Variants in STK32C observed in about 807,000 individuals in gnomAD.
STK32C encodes serine/threonine kinase 32C, also known as serine/threonine-protein kinase 32C.
In STK32C, 31 loss-of-function variants were observed where a neutral mutation model predicts 56.5. That is an observed-to-expected ratio of 0.55 (90% CI 0.41 to 0.74). The LOEUF (loss-of-function observed/expected upper bound fraction) is 0.74. Ranked by LOEUF, STK32C falls within the 30% of genes least tolerant of loss-of-function variation. The pLI, the probability that STK32C is intolerant of heterozygous loss-of-function variation, is 0.00. For missense variants in STK32C, 544 were observed against 676.9 expected (o/e 0.80, Z 2.18); for synonymous variants, 309 against 289.4 (o/e 1.07, Z -0.69).
At chr10:132,248,652 C>T (rs1470549020) in intron 1 of STK32C, among the ~76,000 whole-genome samples, 1 of 152,240 alleles carries the variant, frequency 6.6e-6, no homozygotes, top group African/African-American at 2.4e-5. Context: ...TCCACGCCCA[C>T]GTGCATGCCT....
chr10:132,326,114 C>T lies in STK32C; in HGVS notation c.302-1741G>A, dbSNP rs182188454. ...GACTATCAGTTCATCTCTTCAGGAT[C>T]GGGGAGGCCTGGAAGGGTAAAGATC... On this transcript the variant is annotated intron_variant, in intron 1 of 1. Coordinates refer to the STK32C transcript ENST00000368619. Among the ~76,000 whole-genome samples, 30 of 152,250 alleles carry T rather than the reference C, an allele frequency of 2.0e-4. No individual in the cohort carries two copies. The East Asian group carries it at 5.6e-3, about 28-fold the overall frequency.
chr10:132,259,037 CCGGG>C (rs2064220645), intron 1 of STK32C, among the ~76,000 whole-genome samples: 1 of 126,408 alleles, frequency 7.9e-6, no homozygotes, highest in African/African-American at 3.8e-5. Flanking sequence ...GGCTGCTGCA[CCGGG>C]TACTGGGGGC....
intron 3 of STK32C, among the ~76,000 whole-genome samples, chr10:132,227,617 G>GTGA (rs1565081326): frequency 2.6e-5 from 4 of 151,402 alleles, no homozygotes; most frequent in Admixed American, 2.0e-4. Flanking sequence ...GGCGATGATG[G>GTGA]TGGTGATGGT....
At chr10:132,227,922 C>A in intron 3 of STK32C, 55 bp downstream of exon 3, 2 of 1,590,294 alleles carry the variant, frequency 1.3e-6, no homozygotes, top group Non-Finnish European at 8.5e-7. Context: ...ATAGCCAGTG[C>A]CTTCCCGGCT....
intron 1 of STK32C, among the ~76,000 whole-genome samples, chr10:132,305,099 G>C (rs2066020578): frequency 6.6e-6 from 1 of 152,236 alleles, no homozygotes; most frequent in African/African-American, 2.4e-5. Context: ...GCAGCAGAAA[G>C]ACCCCCTAAC....
chr10:132,252,206 GACCCAGGAAGGAGGGAGACA>G (rs2063935212), intron 1 of STK32C, among the ~76,000 whole-genome samples: 1 of 152,248 alleles, frequency 6.6e-6, no homozygotes, highest in Non-Finnish European at 1.5e-5. Flanking sequence ...GCCCATTCCA[GACCCAGGAAGGAGGGAGACA>G]ACCTCCTGGA....
chr10:132,227,110 C>G, intron 3 of STK32C, 142 bp from the exon 4 acceptor site: 1 of 963,708 alleles, frequency 1.0e-6, no homozygotes, highest in Admixed American at 2.2e-5. Context: ...AGGGGCCTGC[C>G]CAAGGCACTG....
chr10:132,326,994 A>C (rs753743130), intron 1 of STK32C, among the ~76,000 whole-genome samples: 7 of 152,214 alleles, frequency 4.6e-5, no homozygotes, highest in African/African-American at 1.7e-4. Context: ...AAGCAGAGTA[A>C]AACTGTTTTA....
At chr10:132,276,310 C>T (rs771209359) in intron 1 of STK32C, among the ~76,000 whole-genome samples, 15 of 152,196 alleles carry the variant, frequency 9.9e-5, no homozygotes, top group African/African-American at 1.4e-4. Flanking sequence ...GCATCAGGCG[C>T]GTGATCCTAC....
At chr10:132,288,012 A>G (rs2065458902) in intron 1 of STK32C, among the ~76,000 whole-genome samples, 1 of 152,216 alleles carries the variant, frequency 6.6e-6, no homozygotes. Context: ...ATACAGGTCA[A>G]CAGAAAAGAA....
intron 1 of STK32C, among the ~76,000 whole-genome samples, chr10:132,282,473 A>ACCTGCGCCCACCTGTG (rs1207580323): frequency 6.8e-4 from 85 of 125,478 alleles, no homozygotes; most frequent in African/African-American, 1.9e-3. Flanking sequence ...GCCCACCTGT[A>ACCTGCGCCCACCTGTG]CCTGCGCCCA....
At chr10:132,331,491 G>C in exon 1 of STK32C, 1 of 1,612,896 alleles carries the variant, frequency 6.2e-7, no homozygotes, top group Middle Eastern at 1.6e-4. Context: ...CTTCTCCAAA[G>C]AGGACGCTCT....
chr10:132,324,260 A>G, exon 2 of STK32C: 1 of 779,834 alleles, frequency 1.3e-6, no homozygotes, highest in South Asian at 1.3e-5. Flanking sequence ...GATGGGCCAC[A>G]GAACACACCC....
chr10:132,291,606 G>C (rs1821105701), intron 1 of STK32C, among the ~76,000 whole-genome samples: 2 of 152,206 alleles, frequency 1.3e-5, no homozygotes, highest in Non-Finnish European at 2.9e-5. Context: ...GCAAGTCTGA[G>C]TTTAGAATCA....
intron 1 of STK32C, chr10:132,330,286 T>A: frequency 3.3e-6 from 2 of 605,272 alleles, no homozygotes; most frequent in African/African-American, 1.8e-5. Flanking sequence ...GGGAATACGC[T>A]CAAATGGTTA....
intron 2 of STK32C, among the ~76,000 whole-genome samples, chr10:132,229,392 G>T (rs748057019): frequency 1.8e-4 from 28 of 152,242 alleles, no homozygotes; most frequent in Non-Finnish European, 3.8e-4. Flanking sequence ...AGCTACTCAG[G>T]AGACTGAGAA....
At chr10:132,305,310 G>C (rs2066026217) in intron 1 of STK32C, among the ~76,000 whole-genome samples, 1 of 152,124 alleles carries the variant, frequency 6.6e-6, no homozygotes, top group African/African-American at 2.4e-5. Flanking sequence ...AAGGAACAGA[G>C]GACATTTAGT....
chr10:132,241,727 G>T (rs1281622483), intron 2 of STK32C, among the ~76,000 whole-genome samples: 1 of 152,168 alleles, frequency 6.6e-6, no homozygotes, highest in Non-Finnish European at 1.5e-5. Context: ...TCATTCAGGG[G>T]ACAGAGCGGG....
In STK32C at chr10:132,316,974, G is replaced by C. The variant is rs905422327; in HGVS notation, c.301+14462C>G. Among the ~76,000 whole-genome samples, 37 of 143,980 alleles carry C rather than the reference G, an allele frequency of 2.6e-4. 1 individual carries two copies. Among genetic ancestry groups the C allele is most frequent in the Admixed American group, 1.3e-3 (18 of 13,904 alleles). 94.5% of individuals were successfully genotyped at this position (143,980 alleles called of 152,430 possible). On this transcript the variant is annotated intron_variant, in intron 1 of 3. Coordinates refer to the STK32C transcript ENST00000368620. Reference sequence around the variant, plus strand: ...GTCAAGATCATGCCACTGCACTCCAGCCTGGGACAGAGTGAGACTCCATCT... The same window carrying C: ...GTCAAGATCATGCCACTGCACTCCACCCTGGGACAGAGTGAGACTCCATCT...
Sources: allele counts gnomAD v4.1 joint callset (sites outside exome capture counted in the v4.1 genomes callset), GRCh38; gene constraint gnomAD v4.1.1; transcripts MANE v1.5; gene names NCBI Gene and HGNC (gene_info 2026-07-23, HGNC 2026-07-21).